The following RBFOX1 variants were observed in gnomAD, a reference collection of about 807,000 sequenced individuals.
The protein encoded by RBFOX1 is RNA binding fox-1 homolog 1, also known as RNA binding protein fox-1 homolog 1.
Under a neutral mutation model 57.7 loss-of-function variants are expected in RBFOX1, and 8 were observed. The observed-to-expected ratio is 0.14, with a 90% CI of 0.08 to 0.25. The LOEUF is 0.25. RBFOX1 is among the 10% of genes least tolerant of loss of function. The pLI, the probability that RBFOX1 is intolerant of heterozygous loss-of-function variation, is 1.00. For synonymous variants in RBFOX1, 326 were observed against 222.4 expected, an observed-to-expected ratio of 1.47 and a Z score of -4.15; for missense variants, 611 against 548.5, an observed-to-expected ratio of 1.11 and a Z score of -1.14.
At chr16:5,762,483 A>G (rs2053626124) in intron 3 of RBFOX1, among the ~76,000 whole-genome samples, 2 of 152,190 alleles carry the variant, frequency 1.3e-5, no homozygotes, top group South Asian at 4.1e-4. Context: ...CAGTTTGGCA[A>G]TAAGACTAAT....
intron 15 of RBFOX1, chr16:7,710,146 C>G (rs2083743299): frequency 9.8e-7 from 1 of 1,023,260 alleles, no homozygotes; most frequent in East Asian, 1.1e-4. Context: ...ACTCCCTTCT[C>G]AAGATCAGAT....
chr16:7,546,095 G>A (rs2084432746), intron 5 of RBFOX1, among the ~76,000 whole-genome samples: 1 of 151,924 alleles, frequency 6.6e-6, no homozygotes, highest in Non-Finnish European at 1.5e-5. Flanking sequence ...GGGGGACAGA[G>A]GCAGGTGGAT....
At chr16:7,280,461 G>T (rs769303502) in intron 4 of RBFOX1, among the ~76,000 whole-genome samples, 1 of 152,164 alleles carries the variant, frequency 6.6e-6, no homozygotes, top group Non-Finnish European at 1.5e-5. Flanking sequence ...GAATAATAAG[G>T]TGTTGGTAGA....
intron 3 of RBFOX1, among the ~76,000 whole-genome samples, chr16:6,981,367 T>C (rs963156197): frequency 1.3e-5 from 2 of 152,150 alleles, no homozygotes; most frequent in Non-Finnish European, 2.9e-5. Context: ...GTTTCTGTGT[T>C]AATTTGCTAA....
At chr16:6,554,154 A>G (rs910820113) in intron 2 of RBFOX1, among the ~76,000 whole-genome samples, 66 of 152,376 alleles carry the variant, frequency 4.3e-4, no homozygotes, top group African/African-American at 1.5e-3. Flanking sequence ...ATGGGGCACA[A>G]GAAACCATCT....
At chr16:5,307,184 C>T (rs2063960265) in intron 1 of RBFOX1, among the ~76,000 whole-genome samples, 1 of 152,122 alleles carries the variant, frequency 6.6e-6, no homozygotes, top group Non-Finnish European at 1.5e-5. Flanking sequence ...CCCAGGCTAG[C>T]CACTGTCATT....
chr16:7,031,236 C>A (rs556406468), intron 3 of RBFOX1, among the ~76,000 whole-genome samples: 7 of 152,240 alleles, frequency 4.6e-5, no homozygotes, highest in Admixed American at 1.3e-4. Context: ...ATCCTGACTC[C>A]TCTATTTACT....
chr16:6,428,779 C>G (rs1270858960), intron 2 of RBFOX1, among the ~76,000 whole-genome samples: 1 of 152,116 alleles, frequency 6.6e-6, no homozygotes, highest in African/African-American at 2.4e-5. Flanking sequence ...CATTTTTATT[C>G]TATATAATAC....
chr16:5,856,526 CATATATGTGT>C (rs2057062676), intron 3 of RBFOX1, among the ~76,000 whole-genome samples: 2 of 86,878 alleles, frequency 2.3e-5, no homozygotes, highest in Non-Finnish European at 2.3e-5. Context: ...ATCTCTCATT[CATATATGTGT>C]ATGTGTGTGT....
At chr16:6,270,427 T>C (rs1382613019) in intron 1 of RBFOX1, among the ~76,000 whole-genome samples, 1 of 139,976 alleles carries the variant, frequency 7.1e-6, no homozygotes, top group Non-Finnish European at 1.5e-5. Flanking sequence ...AAAGTAGGAG[T>C]AGCTATATTA....
chr16:6,142,429 G>C (rs934079864), intron 1 of RBFOX1, among the ~76,000 whole-genome samples: 5 of 151,856 alleles, frequency 3.3e-5, no homozygotes, highest in Non-Finnish European at 7.4e-5. Flanking sequence ...CACCATGTTA[G>C]CCAGGATGGT....
At chr16:6,890,063 T>C (rs895290497) in intron 3 of RBFOX1, among the ~76,000 whole-genome samples, 2 of 152,198 alleles carry the variant, frequency 1.3e-5, no homozygotes, top group African/African-American at 2.4e-5. Context: ...ATTTTATAGA[T>C]TTTCTTTTAA....
intron 1 of RBFOX1, among the ~76,000 whole-genome samples, chr16:5,276,935 C>A (rs556391971): frequency 6.6e-6 from 1 of 152,184 alleles, no homozygotes; most frequent in Non-Finnish European, 1.5e-5. Context: ...AGCAATCCCA[C>A]TACTAAGTAT....
intron 3 of RBFOX1, among the ~76,000 whole-genome samples, chr16:6,880,966 T>C (rs1406925129): frequency 3.3e-5 from 5 of 152,118 alleles, no homozygotes; most frequent in Non-Finnish European, 7.3e-5. Context: ...AATAACAGTT[T>C]TTCAAGATGA....
chr16:5,785,461 C>T (rs766422388), intron 3 of RBFOX1, among the ~76,000 whole-genome samples: 9 of 152,078 alleles, frequency 5.9e-5, no homozygotes, highest in Non-Finnish European at 1.3e-4. Flanking sequence ...TCTGTCCTAC[C>T]TTCTGTATAT....
At chr16:6,782,151 C>T (rs894731265) in intron 3 of RBFOX1, among the ~76,000 whole-genome samples, 3 of 152,116 alleles carry the variant, frequency 2.0e-5, no homozygotes, top group East Asian at 1.9e-4. Context: ...GGACTACGGG[C>T]ATGCACCACC....
At chr16:7,702,205 T>C (rs1466476792) in intron 14 of RBFOX1, among the ~76,000 whole-genome samples, 2 of 152,234 alleles carry the variant, frequency 1.3e-5, no homozygotes, top group Non-Finnish European at 2.9e-5. Context: ...TAAATATTTA[T>C]TGGCATGAAG....
chr16:7,406,510 C>G (rs982221336), intron 4 of RBFOX1, among the ~76,000 whole-genome samples: 1 of 152,180 alleles, frequency 6.6e-6, no homozygotes, highest in Non-Finnish European at 1.5e-5. Flanking sequence ...ACTTTCGAAT[C>G]TTGCTTTTGA....
intron 1 of RBFOX1, among the ~76,000 whole-genome samples, chr16:5,296,216 G>A (rs929664874): frequency 2.0e-5 from 3 of 152,150 alleles, no homozygotes; most frequent in African/African-American, 7.2e-5. Context: ...ATTCAGACTC[G>A]GTGTAGCATT....
Sources: gnomAD v4.1 joint callset for allele counts (sites outside exome capture counted in the v4.1 genomes callset) on GRCh38, gnomAD v4.1.1 for gene constraint, MANE v1.5 for transcripts, NCBI Gene and HGNC (gene_info 2026-07-23, HGNC 2026-07-21) for gene names.